The following UNC79 variants were observed in gnomAD, a reference collection of about 807,000 sequenced individuals.
UNC79 encodes the protein unc-79 subunit of NALCN channel complex.
Under a neutral mutation model 283.1 loss-of-function variants are expected in UNC79, and 37 were observed. The ratio of observed to expected loss-of-function variants is 0.13; its 90% CI spans 0.10 to 0.17. The LOEUF is 0.17. Among genes scored for constraint, UNC79 ranks in the 10% least tolerant of loss-of-function variants. The pLI, the probability that UNC79 is intolerant of heterozygous loss-of-function variation, is 1.00. For synonymous variants in UNC79, 1,107 were observed against 1,200.2 expected, an observed-to-expected ratio of 0.92 and a Z score of 1.61; for missense variants, 2,272 against 3,211.1, an observed-to-expected ratio of 0.71 and a Z score of 7.07.
At chr14:93,706,982 G>T, downstream of UNC79, 1 of 1,537,100 alleles carries the variant, frequency 6.5e-7, no homozygotes, top group Non-Finnish European at 8.9e-7. Context: ...GATCCAAGCA[G>T]GTTGGGGAAC....
At chr14:93,598,959 T>C (rs950167879) in intron 24 of UNC79, among the ~76,000 whole-genome samples, 2 of 152,212 alleles carry the variant, frequency 1.3e-5, no homozygotes, top group African/African-American at 4.8e-5. Flanking sequence ...TTTGGAACCT[T>C]TATTTTTTAG....
At chr14:93,449,386 A>C (rs2056562664) in intron 1 of UNC79, among the ~76,000 whole-genome samples, 1 of 152,074 alleles carries the variant, frequency 6.6e-6, no homozygotes, top group African/African-American at 2.4e-5. Flanking sequence ...CTGTTCATCT[A>C]CTCTCTGTTT....
chr14:93,632,512 A>T (rs1454522585), intron 31 of UNC79, among the ~76,000 whole-genome samples: 1 of 152,156 alleles, frequency 6.6e-6, no homozygotes, highest in Non-Finnish European at 1.5e-5. Context: ...CAGCCTGGGT[A>T]ACATAGTGAG....
Position 93,586,694 on chromosome 14 carries a change from T to C in UNC79, c.2883+19T>C, listed in dbSNP as rs772495499. On this transcript the variant is annotated intron_variant, in intron 21 of 48. Transcript: ENST00000555664. ...TTTCCAGGTATATTTTCTGATGTCT[T>C]TGAATACTTGGCTTGGTAGCATTAC... 1 of 1,613,394 alleles carries C rather than the reference T, an allele frequency of 6.2e-7. No homozygotes were observed.
chr14:93,477,626 A>G, exon 4 of UNC79: 1 of 1,612,480 alleles, frequency 6.2e-7, no homozygotes, highest in Non-Finnish European at 8.5e-7. Context: ...TATTCTGAGT[A>G]CTTTGCCCTA....
chr14:93,671,809 TA>T (rs1457013113), intron 40 of UNC79, among the ~76,000 whole-genome samples: 1 of 151,892 alleles, frequency 6.6e-6, no homozygotes, highest in Non-Finnish European at 1.5e-5. Flanking sequence ...AACAAAAATG[TA>T]AATAATCCCA....
chr14:93,702,993 T>C (rs979663050), intron 47 of UNC79, among the ~76,000 whole-genome samples: 2 of 152,358 alleles, frequency 1.3e-5, no homozygotes, highest in Admixed American at 6.5e-5. Context: ...TCTTCGGAAG[T>C]TGTATTGAAT....
At chr14:93,516,413 G>T (rs2060054614) in intron 7 of UNC79, among the ~76,000 whole-genome samples, 1 of 129,432 alleles carries the variant, frequency 7.7e-6, no homozygotes, top group Non-Finnish European at 1.5e-5. Flanking sequence ...CTATCAGTTT[G>T]TAATTTCTAC....
chr14:93,440,608 C>G (rs1316928773), intron 1 of UNC79, among the ~76,000 whole-genome samples: 1 of 150,776 alleles, frequency 6.6e-6, no homozygotes, highest in South Asian at 2.1e-4. Context: ...TAGTTGTAGC[C>G]TACAGATTCT....
intron 22 of UNC79, among the ~76,000 whole-genome samples, chr14:93,587,211 AT>A (rs1370378610): frequency 6.6e-6 from 1 of 152,210 alleles, no homozygotes; most frequent in Non-Finnish European, 1.5e-5. Flanking sequence ...ATGCCAAAAA[AT>A]ACGTTAATAT....
chr14:93,494,263 C>T (rs2058910485), intron 5 of UNC79, among the ~76,000 whole-genome samples: 1 of 152,104 alleles, frequency 6.6e-6, no homozygotes, highest in Admixed American at 6.5e-5. Flanking sequence ...AGGGATGGTG[C>T]TAAACCATTC....
intron 1 of UNC79, among the ~76,000 whole-genome samples, chr14:93,437,193 A>G (rs575408156): frequency 2.4e-4 from 37 of 152,266 alleles, no homozygotes; most frequent in Non-Finnish European, 4.4e-4. Flanking sequence ...ACAGTTTAGC[A>G]TGTCAGGATT....
At chr14:93,687,858 G>C (rs1189428838) in intron 43 of UNC79, among the ~76,000 whole-genome samples, 1 of 152,108 alleles carries the variant, frequency 6.6e-6, no homozygotes, top group Non-Finnish European at 1.5e-5. Context: ...AAAATAATAA[G>C]TAGGAACCAG....
chr14:93,507,066 G>A (rs904671293), intron 7 of UNC79, among the ~76,000 whole-genome samples: 4 of 152,148 alleles, frequency 2.6e-5, no homozygotes, highest in African/African-American at 9.7e-5. Flanking sequence ...ATTAGTCCAT[G>A]TTAGTGGATA....
chr14:93,664,527 G>A (rs780679444), intron 40 of UNC79, among the ~76,000 whole-genome samples: 3 of 152,152 alleles, frequency 2.0e-5, no homozygotes, highest in Non-Finnish European at 4.4e-5. Flanking sequence ...CAGGGAGTTT[G>A]ATCTGAGTTA....
At chr14:93,555,172 C>T (rs1443611952) in intron 14 of UNC79, among the ~76,000 whole-genome samples, 1 of 152,106 alleles carries the variant, frequency 6.6e-6, no homozygotes, top group Non-Finnish European at 1.5e-5. Context: ...TTAAAACTGT[C>T]TTTATTTACC....
At chr14:93,633,895 A>T (rs935052608) in intron 31 of UNC79, among the ~76,000 whole-genome samples, 1 of 152,240 alleles carries the variant, frequency 6.6e-6, no homozygotes, top group African/African-American at 2.4e-5. Context: ...TTTTTCAAAC[A>T]GTAGGCAGAG....
intron 1 of UNC79, among the ~76,000 whole-genome samples, chr14:93,393,719 G>A (rs2054931604): frequency 6.6e-6 from 1 of 152,144 alleles, no homozygotes; most frequent in South Asian, 2.1e-4. Flanking sequence ...TTTTTAAAAA[G>A]CCATACCATT....
chr14:93,384,054 A>G (rs2054719145), intron 1 of UNC79, among the ~76,000 whole-genome samples: 1 of 152,206 alleles, frequency 6.6e-6, no homozygotes, highest in Non-Finnish European at 1.5e-5. Flanking sequence ...AGTCTTGGGT[A>G]TGCATTTATC....
Sources: gnomAD v4.1 joint callset for allele counts (sites outside exome capture counted in the v4.1 genomes callset) on GRCh38, gnomAD v4.1.1 for gene constraint, MANE v1.5 for transcripts, NCBI Gene and HGNC (gene_info 2026-07-23, HGNC 2026-07-21) for gene names.